Variants in DNAJC25 observed in about 807,000 individuals in gnomAD.
DNAJC25 encodes the protein dnaJ homolog subfamily C member 25.
DNAJC25 carries 26 observed loss-of-function variants against 42.1 expected under a neutral mutation model. That is an observed-to-expected ratio of 0.62 (90% CI 0.45 to 0.86). DNAJC25 has a LOEUF of 0.86. Ranked by LOEUF, DNAJC25 falls within the 40% of genes least tolerant of loss-of-function variation. The probability of loss-of-function intolerance (pLI) is 0.00; values close to 1 mark genes in which losing one functional copy is unlikely to be tolerated. For missense variants in DNAJC25, 404 were observed against 459.4 expected (o/e 0.88, Z 1.10); for synonymous variants, 189 against 179.9 (o/e 1.05, Z -0.40).
chr9:111,642,720 T>C, intron 1 of DNAJC25: 1 of 267,938 alleles, frequency 3.7e-6, no homozygotes, highest in Non-Finnish European at 8.1e-6. Flanking sequence ...CATGATTTCC[T>C]TCAAGGGCAG....
intron 1 of DNAJC25, among the ~76,000 whole-genome samples, chr9:111,635,178 C>G (rs578013030): frequency 6.6e-6 from 1 of 152,348 alleles, no homozygotes; most frequent in African/African-American, 2.4e-5. Context: ...TTTAAAGTGG[C>G]TATAGCACTT....
At chr9:111,650,959 T>C (rs191371273) in intron 3 of DNAJC25, among the ~76,000 whole-genome samples, 1 of 152,300 alleles carries the variant, frequency 6.6e-6, no homozygotes, top group Non-Finnish European at 1.5e-5. Context: ...TTACCAAGTA[T>C]ACCTGTTCAT....
intron 3 of DNAJC25, among the ~76,000 whole-genome samples, chr9:111,652,474 C>G (rs1178143083): frequency 7.0e-6 from 1 of 143,550 alleles, no homozygotes; most frequent in East Asian, 2.1e-4. Flanking sequence ...GAGATCACAC[C>G]ACTGCACTCC....
Position 111,653,474 on chromosome 9 carries a change from C to A in DNAJC25, c.*252C>A. 3.2e-6 allele frequency: 1 copy of A among 309,768 alleles called. No homozygotes were observed. The highest frequency in any genetic ancestry group is 5.4e-6 in the Non-Finnish European group (1 of 183,576). The allele number at this position is 309,768 out of a possible 1,614,324, so 19.2% of individuals were successfully genotyped here. A position where few individuals can be genotyped will look rare whatever the true frequency, so the allele number is the denominator to read the frequency against. On this transcript the variant is annotated 3_prime_UTR_variant, in exon 4 of 4. Coordinates refer to ENST00000313525, the MANE Select transcript of DNAJC25 (RefSeq NM_001015882.3). ...TTTCACATGAAGATTTATTAGTTGC[C>A]ATTTAAAATTTTTATATGTTTAGTT...
chr9:111,640,196 G>A (rs1220545457), intron 1 of DNAJC25, among the ~76,000 whole-genome samples: 4 of 151,384 alleles, frequency 2.6e-5, no homozygotes, highest in Non-Finnish European at 5.9e-5. Flanking sequence ...CCGAGGTGCC[G>A]GGATTGCAGA....
At position 111,649,623 on chromosome 9, in the gene DNAJC25, C is replaced by T; in HGVS notation, c.660C>T (p.Asn220=). The change falls in exon 3 of 4, where the codon AAC becomes AAT. Residue 220 remains asparagine, a synonymous_variant. Coordinates refer to ENST00000313525, the MANE Select transcript of DNAJC25 (RefSeq NM_001015882.3). ...SKEEIRDEEE[N]IIKNIIKSKI... ...AAGAAATTCGTGACGAGGAGGAGAACATCATAAAGAACATTATAAAAAGTA... is the reference window on the plus strand; with the variant it reads ...AAGAAATTCGTGACGAGGAGGAGAATATCATAAAGAACATTATAAAAAGTA... 28 of 1,613,960 alleles carry T rather than the reference C, an allele frequency of 1.7e-5. No individual in the cohort carries two copies. The highest frequency in any genetic ancestry group is 2.3e-5 in the Non-Finnish European group (27 of 1,179,996).
chr9:111,642,075 C>G (rs1195465496), intron 1 of DNAJC25, among the ~76,000 whole-genome samples: 4 of 127,952 alleles, frequency 3.1e-5, no homozygotes, highest in Non-Finnish European at 5.0e-5. Flanking sequence ...AGTGAGGAGC[C>G]CCTCTGCCCG....
intron 1 of DNAJC25, among the ~76,000 whole-genome samples, chr9:111,636,415 A>G (rs894925848): frequency 3.9e-5 from 6 of 152,216 alleles, no homozygotes; most frequent in Admixed American, 2.6e-4. Context: ...TTCTTTTTCA[A>G]CATTTCCCAG....
At chr9:111,639,689 GTGTGTGTGTGTGTA>G (rs1830415692) in intron 1 of DNAJC25, among the ~76,000 whole-genome samples, 2 of 149,862 alleles carry the variant, frequency 1.3e-5, no homozygotes, top group Admixed American at 1.3e-4. Context: ...AAAAAAATGT[GTGTGTGTGTGTGTA>G]TGGGTGTGTG....
intron 1 of DNAJC25, among the ~76,000 whole-genome samples, chr9:111,639,006 C>T (rs1361343355): frequency 6.6e-6 from 1 of 152,072 alleles, no homozygotes; most frequent in Non-Finnish European, 1.5e-5. Flanking sequence ...ATACCCTTAA[C>T]ACTTGCTGTT....
At chr9:111,646,181 GC>G (rs1379388124) in intron 1 of DNAJC25, among the ~76,000 whole-genome samples, 1 of 152,116 alleles carries the variant, frequency 6.6e-6, no homozygotes, top group East Asian at 1.9e-4. Flanking sequence ...TGAAAATGGG[GC>G]AAGTTGGAAA....
intron 2 of DNAJC25, among the ~76,000 whole-genome samples, chr9:111,648,513 A>G (rs1192938153): frequency 1.3e-5 from 2 of 150,296 alleles, no homozygotes; most frequent in Admixed American, 6.6e-5. Context: ...CAAGCAATCC[A>G]CTCACCGCAG....
At chr9:111,644,168 G>C (rs1446586489) in intron 1 of DNAJC25, among the ~76,000 whole-genome samples, 4 of 152,290 alleles carry the variant, frequency 2.6e-5, no homozygotes, top group African/African-American at 9.6e-5. Flanking sequence ...AATTTGTGGT[G>C]ACCCTAAAGA....
At chr9:111,638,347 G>A (rs942194404) in intron 1 of DNAJC25, among the ~76,000 whole-genome samples, 7 of 152,098 alleles carry the variant, frequency 4.6e-5, no homozygotes, top group African/African-American at 1.7e-4. Context: ...TGCATTCCAC[G>A]GACATAATTT....
At chr9:111,636,850 A>G (rs754482251) in intron 1 of DNAJC25, among the ~76,000 whole-genome samples, 1 of 152,136 alleles carries the variant, frequency 6.6e-6, no homozygotes, top group Non-Finnish European at 1.5e-5. Flanking sequence ...ATGATGTGGT[A>G]GTGTATGTAC....
chr9:111,646,361 G>C (rs536817399), intron 1 of DNAJC25, among the ~76,000 whole-genome samples: 6 of 152,258 alleles, frequency 3.9e-5, no homozygotes, highest in African/African-American at 1.2e-4. Context: ...GCAGCATTTT[G>C]GAATGCTATA....
At chr9:111,649,057 A>G (rs1408665355) in intron 2 of DNAJC25, among the ~76,000 whole-genome samples, 3 of 152,168 alleles carry the variant, frequency 2.0e-5, no homozygotes, top group African/African-American at 7.2e-5. Flanking sequence ...CACCAGCTAG[A>G]TTTTGCCATT....
intron 1 of DNAJC25, among the ~76,000 whole-genome samples, chr9:111,638,675 T>C (rs948111962): frequency 1.7e-4 from 26 of 152,324 alleles, no homozygotes; most frequent in Non-Finnish European, 3.4e-4. Flanking sequence ...CTTTGATTCT[T>C]GTGTACCCCT....
At position 111,650,466 on chromosome 9, in the gene DNAJC25, A is replaced by C. The variant is rs142589423; in HGVS notation, c.960+543A>C. Among the ~76,000 whole-genome samples the C allele has an allele frequency of 6.0e-3, 910 of 152,338 alleles. 1 individual carries two copies. The highest frequency in any genetic ancestry group is 0.01 in the Non-Finnish European group (702 of 68,032). ...ATTACTGTAATGCCTCTAAACTTTC[A>C]GGCATTTTAATAAATGCTTTATGCT... On this transcript the variant is annotated intron_variant, in intron 3 of 3. Transcript: ENST00000313525.
Sources: allele counts gnomAD v4.1 joint callset (sites outside exome capture counted in the v4.1 genomes callset), GRCh38; gene constraint gnomAD v4.1.1; transcripts MANE v1.5; gene names NCBI Gene and HGNC (gene_info 2026-07-23, HGNC 2026-07-21).